The following SLC25A23 variants were observed in gnomAD, a reference collection of about 807,000 sequenced individuals.
SLC25A23 encodes the protein mitochondrial adenyl nucleotide antiporter SLC25A23.
A neutral mutation model predicts 53.9 loss-of-function variants in SLC25A23; 32 were observed. The observed-to-expected ratio is 0.59, with a 90% CI of 0.45 to 0.80. The LOEUF is 0.80. Among genes scored for constraint, SLC25A23 ranks in the 30% least tolerant of loss-of-function variants. The probability of loss-of-function intolerance (pLI) is 0.00; values close to 1 mark genes in which losing one functional copy is unlikely to be tolerated. For synonymous variants in SLC25A23, 275 were observed against 264.5 expected (o/e 1.04, Z -0.38); for missense variants, 575 against 651.4 (o/e 0.88, Z 1.28).
At chr19:6,449,660 C>T (rs943654670) in intron 8 of SLC25A23, among the ~76,000 whole-genome samples, 5 of 151,596 alleles carry the variant, frequency 3.3e-5, no homozygotes, top group East Asian at 2.0e-4. Context: ...GTGATCCACC[C>T]GCCTCGGCCT....
At chr19:6,442,609 TGCA>T (rs2092439188) in intron 9 of SLC25A23, among the ~76,000 whole-genome samples, 1 of 150,738 alleles carries the variant, frequency 6.6e-6, no homozygotes, top group African/African-American at 2.4e-5. Flanking sequence ...AGTGCAATGG[TGCA>T]ATCTCGGCTC....
intron 8 of SLC25A23, among the ~76,000 whole-genome samples, chr19:6,451,104 T>C (rs1164048091): frequency 6.9e-6 from 1 of 144,162 alleles, no homozygotes; most frequent in African/African-American, 2.6e-5. Context: ...AATTAAGAAT[T>C]TCAGGCCTGG....
chr19:6,443,476 C>G, intron 9 of SLC25A23: 1 of 626,546 alleles, frequency 1.6e-6, no homozygotes, highest in East Asian at 2.9e-5. Flanking sequence ...GATCCTTCCT[C>G]TTTGGCCTCC....
At chr19:6,449,857 C>CT (rs142681286) in intron 8 of SLC25A23, among the ~76,000 whole-genome samples, 5,710 of 126,478 alleles carry the variant, frequency 0.045, 626 homozygotes, top group African/African-American at 0.15. Context: ...ACTCACAACT[C>CT]TTTTTTTTTT....
In SLC25A23 at chr19:6,457,578, A is replaced by C. The variant is rs1173645446; in HGVS notation, c.296T>G (p.Val99Gly). Residue 99 changes from valine (V) to glycine (G), a missense_variant, in exon 3 of 10, where the codon GTC becomes GGC. Transcript: ENST00000301454. ...LDRNQDGHID[V>G]SEIQQSFRAL... is the part of the protein sequence containing the mutation. ...TCGGAAACTCTGTTGGATCTCAGAG[A>C]CATCAATGTGACCTGGGGAGGGGGC... The C allele has an allele frequency of 6.2e-7, 1 of 1,613,964 alleles. No homozygotes were observed. Among genetic ancestry groups the C allele is most frequent in the African/African-American group, 1.3e-5 (1 of 75,024 alleles).
chr19:6,456,764 C>T (rs191253016), intron 3 of SLC25A23, among the ~76,000 whole-genome samples: 7 of 152,310 alleles, frequency 4.6e-5, no homozygotes, highest in African/African-American at 1.7e-4. Flanking sequence ...ACTGCAACCT[C>T]TGCCTCCTGG....
intron 9 of SLC25A23, among the ~76,000 whole-genome samples, chr19:6,442,992 G>A (rs2092446358): frequency 6.8e-6 from 1 of 147,638 alleles, no homozygotes; most frequent in South Asian, 2.1e-4. Context: ...AGGCTGGAGT[G>A]CGATGGCACG....
At chr19:6,452,232 G>A in intron 8 of SLC25A23, 80 bp downstream of exon 8, 1 of 1,528,032 alleles carries the variant, frequency 6.5e-7, no homozygotes, top group South Asian at 1.2e-5. Flanking sequence ...AACTGAGCCA[G>A]CCCCAGGGGA....
chr19:6,451,278 A>G (rs959979808), intron 8 of SLC25A23, among the ~76,000 whole-genome samples: 9 of 150,808 alleles, frequency 6.0e-5, no homozygotes, highest in African/African-American at 2.2e-4. Context: ...AATCCCAGCT[A>G]CTCGGGAGAC....
At chr19:6,456,355 C>G in intron 4 of SLC25A23, 65 bp downstream of exon 4, 1 of 1,505,968 alleles carries the variant, frequency 6.6e-7, no homozygotes, top group Non-Finnish European at 9.2e-7. Flanking sequence ...CTGGGGAGAT[C>G]GGAGCAAGGC....
chr19:6,454,784 T>G lies in SLC25A23; in HGVS notation c.484-67A>C. 1 of 1,560,308 alleles carries G rather than the reference T, an allele frequency of 6.4e-7. No individual in the cohort carries two copies. Among genetic ancestry groups the G allele is most frequent in the Non-Finnish European group, 8.7e-7 (1 of 1,144,432 alleles). Reference sequence around the variant, plus strand: ...CAGGGAGATGTGACTCAGTCCTAAATAGGGGAGTCTCCTCTATGAATCCTA... The same window carrying G: ...CAGGGAGATGTGACTCAGTCCTAAAGAGGGGAGTCTCCTCTATGAATCCTA... On this transcript the variant is annotated intron_variant, in intron 4 of 9. Transcript: ENST00000301454. This position sits in a 1 kb window ranked among gnomAD's most constrained non-coding sequence, Gnocchi z 4.3.
chr19:6,444,013 A>G, intron 9 of SLC25A23, 138 bp downstream of exon 9: 1 of 904,324 alleles, frequency 1.1e-6, no homozygotes, highest in Non-Finnish European at 1.6e-6. Context: ...CTCCCATTTC[A>G]ATGTCACAAA....
chr19:6,438,065 A>AAC (rs2092356456), downstream of SLC25A23: 8 of 150,828 alleles, frequency 5.3e-5, no homozygotes, highest in African/African-American at 2.0e-4. Context: ...AAAAAAACAA[A>AAC]CTTGGAATTT....
chr19:6,455,885 A>AT (rs2092674434), intron 4 of SLC25A23: 2 of 573,778 alleles, frequency 3.5e-6, no homozygotes, highest in Non-Finnish European at 2.7e-6. Flanking sequence ...CACCTGGCTC[A>AT]TTTTTTTAAT....
Position 6,441,810 on chromosome 19 carries a change from A to G in SLC25A23, c.*165T>C, listed in dbSNP as rs348340. 0.5 allele frequency: 307,393 copies of G among 618,672 alleles called. 75,374 individuals are homozygous for G. The highest frequency in any genetic ancestry group is 0.53 in the African/African-American group (24,411 of 46,154). 38.3% of individuals were successfully genotyped at this position (618,672 alleles called of 1,614,324 possible). ...TAGGAGTCTAGGATCCAGGATCTGG[A>G]TGCTGGGATCCCATGACCCAATGGT... On this transcript the variant is annotated 3_prime_UTR_variant, in exon 10 of 10. Coordinates refer to ENST00000301454, the MANE Select transcript of SLC25A23 (RefSeq NM_024103.3).
At chr19:6,455,200 A>G (rs975725630) in intron 4 of SLC25A23, among the ~76,000 whole-genome samples, 1 of 152,142 alleles carries the variant, frequency 6.6e-6, no homozygotes, top group East Asian at 1.9e-4. Flanking sequence ...TGAGCCCAGG[A>G]GTTTGAGGCT....
Position 6,441,591 on chromosome 19 carries a change from C to T in SLC25A23, c.*384G>A. The T allele has an allele frequency of 3.7e-6, 1 of 271,364 alleles. No individual in the cohort carries two copies. Among genetic ancestry groups the T allele is most frequent in the Admixed American group, 5.0e-5 (1 of 20,114 alleles). 16.8% of individuals were successfully genotyped at this position (271,364 alleles called of 1,614,324 possible). A position where few individuals can be genotyped will look rare whatever the true frequency, so the allele number is the denominator to read the frequency against. ...GGGCACAGGGAAGCGTGGGATCCAC[C>T]TTAGGATGTGGGGCTGCAGGATCCA... On this transcript the variant is annotated 3_prime_UTR_variant, in exon 10 of 10. Transcript: ENST00000301454.
intron 9 of SLC25A23, among the ~76,000 whole-genome samples, chr19:6,442,934 CTTTTTT>C (rs1024821991): frequency 8.8e-6 from 1 of 113,150 alleles, no homozygotes; most frequent in East Asian, 2.9e-4. Flanking sequence ...ATGCCCAGCC[CTTTTTT>C]TTTTTTTTTT....
intron 7 of SLC25A23, 82 bp from the exon 8 acceptor site, chr19:6,452,561 C>T (rs2092608388): frequency 6.8e-7 from 1 of 1,471,446 alleles, no homozygotes; most frequent in Non-Finnish European, 9.1e-7. Context: ...GAAATAGCTA[C>T]TCCTGAAAAC....
Sources: allele counts gnomAD v4.1 joint callset (sites outside exome capture counted in the v4.1 genomes callset), GRCh38; gene constraint gnomAD v4.1.1; non-coding constraint Gnocchi (gnomAD v3.1); transcripts MANE v1.5; gene names NCBI Gene and HGNC (gene_info 2026-07-23, HGNC 2026-07-21).